Variants in A2ML1 observed in about 807,000 individuals in gnomAD.
The protein encoded by A2ML1 is alpha-2-macroglobulin-like protein 1.
Under a neutral mutation model 181.9 loss-of-function variants are expected in A2ML1, and 161 were observed. The ratio of observed to expected loss-of-function variants is 0.89; its 90% confidence interval spans 0.78 to 1.01. The LOEUF (loss-of-function observed/expected upper bound fraction) is 1.01. Ranked by LOEUF, A2ML1 falls within the 50% of genes least tolerant of loss-of-function variation. The probability of loss-of-function intolerance (pLI) is 0.00; values close to 1 mark genes in which losing one functional copy is unlikely to be tolerated. For synonymous variants in A2ML1, 663 were observed against 666.8 expected (o/e 0.99, Z 0.09); for missense variants, 1,670 against 1,768.1 (o/e 0.94, Z 1.00).
At chr12:8,857,435 C>T in intron 24 of A2ML1, 72 bp from the exon 25 acceptor site, 1 of 1,607,278 alleles carries the variant, frequency 6.2e-7, no homozygotes, top group South Asian at 1.1e-5. Flanking sequence ...TCAAGTGTCC[C>T]ATATCCTTGA....
At chr12:8,880,815 A>G (rs1944863578), downstream of A2ML1, among the ~76,000 whole-genome samples, 1 of 152,128 alleles carries the variant, frequency 6.6e-6, no homozygotes, top group Non-Finnish European at 1.5e-5. Context: ...AAGGAAGGGG[A>G]CCTGAGGTTT....
intron 4 of A2ML1, among the ~76,000 whole-genome samples, chr12:8,831,677 T>C (rs12303291): frequency 0.054 from 8,285 of 152,260 alleles, 639 homozygotes; most frequent in African/African-American, 0.17. Context: ...GCCGGCTGTG[T>C]GGGAGACTGG....
intron 29 of A2ML1, 46 bp from the exon 30 acceptor site, chr12:8,867,796 C>A (rs1944469071): frequency 6.4e-7 from 1 of 1,557,694 alleles, no homozygotes; most frequent in African/African-American, 1.4e-5. Flanking sequence ...AGGTTAATTC[C>A]AATGGCTCAC....
At chr12:8,867,169 G>T (rs1365988593) in intron 29 of A2ML1, among the ~76,000 whole-genome samples, 1 of 152,146 alleles carries the variant, frequency 6.6e-6, no homozygotes, top group Non-Finnish European at 1.5e-5. Context: ...CAATTTCTAG[G>T]GCTATCAAGT....
intron 33 of A2ML1, among the ~76,000 whole-genome samples, chr12:8,870,090 A>C (rs1180723461): frequency 6.6e-6 from 1 of 152,180 alleles, no homozygotes; most frequent in East Asian, 1.9e-4. Flanking sequence ...CCACACAAGG[A>C]ACAAAGTTAT....
chr12:8,824,412 TACAC>T (rs1047246730), intron 3 of A2ML1, among the ~76,000 whole-genome samples: 2 of 151,864 alleles, frequency 1.3e-5, no homozygotes, highest in African/African-American at 2.4e-5. Flanking sequence ...GATATTTTTA[TACAC>T]ACACACAATG....
At chr12:8,886,578 C>A (rs748569194) in exon 8 of A2ML1, 5 of 152,144 alleles carry the variant, frequency 3.3e-5, no homozygotes, top group African/African-American at 4.8e-5. Context: ...CTCTGTGGCA[C>A]GGCACCCAGA....
At chr12:8,869,856 A>T (rs1944560308) in intron 33 of A2ML1, among the ~76,000 whole-genome samples, 1 of 152,256 alleles carries the variant, frequency 6.6e-6, no homozygotes, top group East Asian at 1.9e-4. Flanking sequence ...AGTTATAGAA[A>T]AAACTAAATT....
intron 26 of A2ML1, chr12:8,858,394 G>A (rs1944145144): frequency 3.9e-6 from 1 of 256,964 alleles, no homozygotes; most frequent in South Asian, 1.1e-4. Flanking sequence ...ACCACCCTGG[G>A]CAACATGGTG....
rs755195178 is a variant in A2ML1 at position 8,843,172 on chromosome 12, A to G, written c.1287A>G (p.Glu429=). 9 of 1,614,094 alleles carry G rather than the reference A, an allele frequency of 5.6e-6. No homozygotes were observed. The African/African-American group carries it at 1.2e-4, about 22-fold the overall frequency. ...FQMEDLVYNP[E]QVPRYYQNAY... is the part of the protein sequence containing the mutation. ...TGGAAGACTTAGTATATAATCCGGA[A>G]CAAGTGCCACGTTACTACCAAAATG... The change falls in exon 12 of 36, where the codon GAA becomes GAG. Residue 429 remains glutamate, a synonymous_variant. Coordinates refer to ENST00000299698, the MANE Select transcript of A2ML1 (RefSeq NM_144670.6).
intron 6 of A2ML1, 117 bp downstream of exon 6, chr12:8,835,783 G>A (rs1943252104): frequency 7.3e-7 from 1 of 1,369,092 alleles, no homozygotes; most frequent in Non-Finnish European, 1.0e-6. Flanking sequence ...GGAGGCCGAG[G>A]CGGGCAGATC....
intron 29 of A2ML1, among the ~76,000 whole-genome samples, chr12:8,867,182 C>T (rs1388256570): frequency 6.6e-6 from 1 of 152,176 alleles, no homozygotes; most frequent in Non-Finnish European, 1.5e-5. Context: ...TATCAAGTTA[C>T]TACTGTTTCT....
chr12:8,852,197 A>T lies in A2ML1; in HGVS notation c.2464-13A>T. On this transcript the variant is annotated splice_polypyrimidine_tract_variant and intron_variant, in intron 19 of 35. Coordinates refer to ENST00000299698, the MANE Select transcript of A2ML1 (RefSeq NM_144670.6). This position sits in a 1 kb window ranked among gnomAD's most constrained non-coding sequence, Gnocchi z 4.2. ...TTTGTTTGTACCCTTTGTCTCTTAA[A>T]CATCCTCCGTAGGTTCAGACTGACC... is the stretch of plus-strand genomic sequence containing the variant. 1 of 1,613,868 alleles carries T rather than the reference A, an allele frequency of 6.2e-7. No homozygotes were observed. The highest frequency in any genetic ancestry group is 8.5e-7 in the Non-Finnish European group (1 of 1,180,014).
At position 8,868,318 on chromosome 12, in the gene A2ML1, C is replaced by A. The variant is rs376705356; in HGVS notation, c.4022C>A (p.Pro1341Gln). Residue 1341 changes from proline to glutamine, a missense_variant, in exon 31 of 36, where the codon CCG (proline) becomes CAG (glutamine). Pro to Gln is a moderately conservative substitution (Grantham distance 76, BLOSUM62 -1). Coordinates refer to ENST00000299698, the MANE Select transcript of A2ML1 (RefSeq NM_144670.6). ...ATAGGAAAAGCTAGATGTGAGCAAC[C>A]GACTTCACCTCGATCCTTGACTCTC... is the stretch of plus-strand genomic sequence containing the variant. ...VEIGKARCEQ[P>Q]TSPRSLTLTI... 1 of 1,613,390 alleles carries A rather than the reference C, an allele frequency of 6.2e-7. No homozygotes were observed. The highest frequency in any genetic ancestry group is 2.2e-5 in the East Asian group (1 of 44,880).
In A2ML1 at chr12:8,847,548, G is replaced by T; in HGVS notation, c.1684-1G>T. 1 of 1,606,804 alleles carries T rather than the reference G, an allele frequency of 6.2e-7. No individual in the cohort carries two copies. Among genetic ancestry groups the T allele is most frequent in the Non-Finnish European group, 8.5e-7 (1 of 1,177,208 alleles). ...CCAAGTTATACCTTTCCCTTCCCCA[G>T]GTTTCCCTTGGCTTCTCCCCCTCCC... On this transcript the variant is annotated splice_acceptor_variant, in intron 14 of 35. Coordinates refer to ENST00000299698, the MANE Select transcript of A2ML1 (RefSeq NM_144670.6). LOFTEE classifies it high-confidence loss of function.
intron 11 of A2ML1, among the ~76,000 whole-genome samples, chr12:8,841,956 C>T (rs865938015): frequency 2.6e-5 from 4 of 152,182 alleles, no homozygotes; most frequent in African/African-American, 7.2e-5. Context: ...CACAACAATG[C>T]TTCTTATCAA....
chr12:8,853,845 C>T (rs182494026), intron 20 of A2ML1, among the ~76,000 whole-genome samples: 21 of 152,220 alleles, frequency 1.4e-4, no homozygotes, highest in East Asian at 3.9e-4. Flanking sequence ...TTAACAGAAG[C>T]GAGTCACTCA....
rs61749073 is a variant in A2ML1 at position 8,867,967 on chromosome 12, T to C, written c.3843T>C (p.Val1281=). The stretch of plus-strand genomic sequence containing the variant: ...AGCGCACATTCAACATACAGTCAGT[T>C]AACAGATTGGTATTTCAGCAGGATA... ...NFQRTFNIQS[V]NRLVFQQDTL... is the part of the protein sequence containing the mutation. The change falls in exon 30 of 36, where the codon GTT becomes GTC. Residue 1281 remains valine (V), a synonymous_variant. Coordinates refer to ENST00000299698, the MANE Select transcript of A2ML1 (RefSeq NM_144670.6). 133,813 of 1,614,152 alleles carry C rather than the reference T, an allele frequency of 0.083. 6,634 individuals are homozygous for C. The highest frequency in any genetic ancestry group is 0.18 in the African/African-American group (13,181 of 75,010).
At chr12:8,863,073 T>G (rs974448423) in intron 28 of A2ML1, among the ~76,000 whole-genome samples, 3 of 151,406 alleles carry the variant, frequency 2.0e-5, no homozygotes, top group African/African-American at 7.3e-5. Context: ...TCATATACTC[T>G]GCCATTTTTA....
Sources: allele counts gnomAD v4.1 joint callset (sites outside exome capture counted in the v4.1 genomes callset), GRCh38; gene constraint gnomAD v4.1.1; non-coding constraint Gnocchi (gnomAD v3.1); transcripts MANE v1.5; gene names NCBI Gene and HGNC (gene_info 2026-07-23, HGNC 2026-07-21).